The following EARS2 variants were observed in gnomAD, a reference collection of about 807,000 sequenced individuals.
The protein encoded by EARS2 is glutamyl-tRNA synthetase 2, mitochondrial.
Under a neutral mutation model 54.1 loss-of-function variants are expected in EARS2, and 50 were observed. That is an observed-to-expected ratio of 0.92 (90% confidence interval 0.74 to 1.17). The LOEUF is 1.17. EARS2 is among the 50% of genes most tolerant of loss of function. The probability of loss-of-function intolerance (pLI) is 0.00; values close to 1 mark genes in which losing one functional copy is unlikely to be tolerated. For synonymous variants in EARS2, 298 were observed against 281.0 expected, an observed-to-expected ratio of 1.06 and a Z score of -0.61; for missense variants, 673 against 675.0, an observed-to-expected ratio of 1.00 and a Z score of 0.03.
chr16:23,553,650 G>A (rs1035732471), intron 1 of EARS2, among the ~76,000 whole-genome samples: 2 of 152,092 alleles, frequency 1.3e-5, no homozygotes, highest in Non-Finnish European at 2.9e-5. Flanking sequence ...CCAGCACTTT[G>A]GGAGGCCGAG....
intron 2 of EARS2, among the ~76,000 whole-genome samples, chr16:23,547,469 CT>C (rs1965622766): frequency 6.6e-6 from 1 of 152,152 alleles, no homozygotes; most frequent in Non-Finnish European, 1.5e-5. Flanking sequence ...GAATTGTACA[CT>C]TTGATATGGT....
At chr16:23,536,197 G>A (rs1222522718) in intron 3 of EARS2, among the ~76,000 whole-genome samples, 2 of 152,160 alleles carry the variant, frequency 1.3e-5, no homozygotes, top group Non-Finnish European at 2.9e-5. Context: ...TTAAAGTATC[G>A]TTTGTCCCTT....
chr16:23,529,879 C>T lies in EARS2; in HGVS notation c.1086G>A (p.Leu362=). Reference sequence around the variant, plus strand: ...GGCGCCTCTGGCTCTCATTGCTCACCAGCCGCTGGAGGTGCAGTCTGCGGA... The same window carrying T: ...GGCGCCTCTGGCTCTCATTGCTCACTAGCCGCTGGAGGTGCAGTCTGCGGA... ...PEFNRLHLQR[L]VSNESQRRQL... Residue 362 remains leucine (L), a synonymous_variant, in exon 6 of 9, where the codon CTG becomes CTA. Coordinates refer to ENST00000449606, the MANE Select transcript of EARS2 (RefSeq NM_001083614.2). 6.2e-7 allele frequency: 1 copy of T among 1,614,140 alleles called. No individual in the cohort carries two copies. The highest frequency in any genetic ancestry group is 8.5e-7 in the Non-Finnish European group (1 of 1,180,032).
rs760964412 is a variant in EARS2, at chr16:23,534,995, T to C, written c.851A>G (p.Lys284Arg). ...AACGTCCCCTTGCCTCTTGGAGAGC[T>C]TGCTGCCATCCCTGTTGAGGAGCAG... ...LPLLLNRDGS[K>R]LSKRQGDVFL... Residue 284 changes from lysine to arginine, a missense_variant, in exon 4 of 9, where the codon AAG becomes AGG. This residue lies in a region of EARS2 where 338 missense variants were observed against 361.2 expected (regional missense o/e 0.94). Transcript: ENST00000449606. The C allele has an allele frequency of 6.2e-6, 10 of 1,612,916 alleles. No homozygotes were observed. Among genetic ancestry groups the C allele is most frequent in the Non-Finnish European group, 7.6e-6 (9 of 1,179,528 alleles).
At chr16:23,536,522 T>G (rs2142173630) in intron 3 of EARS2, among the ~76,000 whole-genome samples, 1 of 152,036 alleles carries the variant, frequency 6.6e-6, no homozygotes. Flanking sequence ...ATCAGCCAGG[T>G]GTGGTGGTGC....
chr16:23,527,874 A>C (rs1321596968), intron 7 of EARS2, among the ~76,000 whole-genome samples: 1 of 152,200 alleles, frequency 6.6e-6, no homozygotes, highest in African/African-American at 2.4e-5. Flanking sequence ...TTCTTACTGC[A>C]TCATCTCTAT....
At chr16:23,537,833 C>A (rs1965448584) in intron 3 of EARS2, among the ~76,000 whole-genome samples, 1 of 149,916 alleles carries the variant, frequency 6.7e-6, no homozygotes. Context: ...ACTCTGTCAC[C>A]CAGGCTGGAG....
intron 2 of EARS2, chr16:23,546,397 T>A (rs7196534): frequency 4.4e-6 from 2 of 455,786 alleles, no homozygotes; most frequent in Non-Finnish European, 8.8e-6. Flanking sequence ...AGCTCAGAGA[T>A]CTTGGGCAAG....
At chr16:23,543,156 C>T (rs1248363623) in intron 3 of EARS2, among the ~76,000 whole-genome samples, 2 of 143,630 alleles carry the variant, frequency 1.4e-5, no homozygotes, top group African/African-American at 5.2e-5. Context: ...CAGTGGCTCA[C>T]ATCTATAATC....
intron 3 of EARS2, among the ~76,000 whole-genome samples, chr16:23,536,844 G>A (rs934997094): frequency 1.1e-4 from 17 of 151,650 alleles, no homozygotes; most frequent in African/African-American, 3.6e-4. Flanking sequence ...CACCACAACC[G>A]GCTAATTTTT....
At chr16:23,547,983 C>CA (rs1965631993) in intron 2 of EARS2, among the ~76,000 whole-genome samples, 1 of 151,868 alleles carries the variant, frequency 6.6e-6, no homozygotes, top group Non-Finnish European at 1.5e-5. Flanking sequence ...GTAATCCCAG[C>CA]ACTTTGGGAG....
At chr16:23,550,097 T>C (rs186147691) in intron 2 of EARS2, among the ~76,000 whole-genome samples, 2 of 152,302 alleles carry the variant, frequency 1.3e-5, no homozygotes, top group Non-Finnish European at 2.9e-5. Context: ...CGATGGTTCA[T>C]GACCGTGATG....
chr16:23,534,126 G>A (rs375426733), intron 4 of EARS2, among the ~76,000 whole-genome samples: 1 of 152,072 alleles, frequency 6.6e-6, no homozygotes, highest in African/African-American at 2.4e-5. Flanking sequence ...AGTCCCATAC[G>A]GTCAGCAGGC....
chr16:23,552,666 T>C (rs1965716106), intron 1 of EARS2, among the ~76,000 whole-genome samples: 1 of 152,262 alleles, frequency 6.6e-6, no homozygotes, highest in Non-Finnish European at 1.5e-5. Flanking sequence ...CATGTTTGTA[T>C]TTTTGGTAGA....
chr16:23,524,921 A>C, intron 8 of EARS2: 1 of 533,074 alleles, frequency 1.9e-6, no homozygotes, highest in Non-Finnish European at 3.3e-6. Context: ...CTGGGAATAC[A>C]GGTGTGAGCC....
At chr16:23,526,419 C>T (rs910749663) in intron 7 of EARS2, among the ~76,000 whole-genome samples, 1 of 152,164 alleles carries the variant, frequency 6.6e-6, no homozygotes, top group East Asian at 1.9e-4. Flanking sequence ...CCACCATGCC[C>T]GGCCAAGTAT....
chr16:23,556,098 T>G (rs1442980912), intron 1 of EARS2, among the ~76,000 whole-genome samples: 1 of 152,234 alleles, frequency 6.6e-6, no homozygotes, highest in African/African-American at 2.4e-5. Flanking sequence ...TAGGCTATAC[T>G]GCCTGCCAGA....
intron 2 of EARS2, among the ~76,000 whole-genome samples, chr16:23,549,970 G>C (rs1378068350): frequency 1.3e-5 from 2 of 152,126 alleles, no homozygotes; most frequent in South Asian, 2.1e-4. Flanking sequence ...CCTCCTAAGA[G>C]AAAACTGCCC....
At chr16:23,534,574 C>T (rs575391276) in intron 4 of EARS2, among the ~76,000 whole-genome samples, 4 of 152,260 alleles carry the variant, frequency 2.6e-5, no homozygotes, top group African/African-American at 7.2e-5. Context: ...GGGTACCTTA[C>T]ACTCCTGAGC....
Sources: gnomAD v4.1 joint callset for allele counts (sites outside exome capture counted in the v4.1 genomes callset) on GRCh38, gnomAD v4.1.1 for gene constraint, gnomAD v4.1.1 regional missense constraint, MANE v1.5 for transcripts, NCBI Gene and HGNC (gene_info 2026-07-23, HGNC 2026-07-21) for gene names.